Variants in E2F5 observed in about 807,000 individuals in gnomAD.
E2F5 encodes E2F transcription factor 5, also known as transcription factor E2F5.
E2F5 carries 23 observed loss-of-function variants against 39.1 expected under a neutral mutation model. The ratio of observed to expected loss-of-function variants is 0.59; its 90% CI spans 0.42 to 0.83. The LOEUF is 0.83. E2F5 is among the 40% of genes least tolerant of loss of function. E2F5 has a pLI of 0.00. For synonymous variants in E2F5, 145 were observed against 157.8 expected (o/e 0.92, Z 0.61); for missense variants, 365 against 406.7 (o/e 0.90, Z 0.88).
chr8:85,202,978 T>C, intron 2 of E2F5, 116 bp from the exon 3 acceptor site: 1 of 729,794 alleles, frequency 1.4e-6, no homozygotes, highest in Non-Finnish European at 1.9e-6. Flanking sequence ...ATTTTAAGAG[T>C]GTAAAGACTT....
chr8:85,180,261 T>C (rs1812172862), intron 1 of E2F5, among the ~76,000 whole-genome samples: 1 of 151,304 alleles, frequency 6.6e-6, no homozygotes. Context: ...CCTCAAATGA[T>C]CTGCTTGCCT....
chr8:85,187,276 ATTC>A (rs1187827744), intron 1 of E2F5, among the ~76,000 whole-genome samples: 2 of 152,094 alleles, frequency 1.3e-5, no homozygotes, highest in Non-Finnish European at 2.9e-5. Flanking sequence ...AAGCGTGTGT[ATTC>A]TTCTACTGTT....
intron 1 of E2F5, among the ~76,000 whole-genome samples, chr8:85,189,748 A>G (rs1812420381): frequency 6.6e-6 from 1 of 152,224 alleles, no homozygotes; most frequent in Admixed American, 6.5e-5. Context: ...AACCATTCTT[A>G]TTAGTAGGTA....
chr8:85,189,326 C>T (rs1812412392), intron 1 of E2F5, among the ~76,000 whole-genome samples: 1 of 152,066 alleles, frequency 6.6e-6, no homozygotes, highest in South Asian at 2.1e-4. Flanking sequence ...CCATTTCTTG[C>T]AACTTTTTAT....
chr8:85,196,319 A>G (rs185294461), intron 1 of E2F5, among the ~76,000 whole-genome samples: 58 of 152,206 alleles, frequency 3.8e-4, no homozygotes, highest in Admixed American at 2.5e-3. Context: ...TCATTTTTCT[A>G]TCTCTTATAA....
intron 1 of E2F5, among the ~76,000 whole-genome samples, chr8:85,185,743 C>G (rs879051552): frequency 6.6e-6 from 1 of 152,096 alleles, no homozygotes; most frequent in Non-Finnish European, 1.5e-5. Flanking sequence ...ATGCAGCCAA[C>G]AAACATATGA....
chr8:85,187,979 A>T (rs1242006102), intron 1 of E2F5, among the ~76,000 whole-genome samples: 3 of 152,206 alleles, frequency 2.0e-5, no homozygotes, highest in Non-Finnish European at 2.9e-5. Context: ...TTACAAAAAA[A>T]TATCTTACAA....
At chr8:85,182,904 C>A (rs1812250493) in intron 1 of E2F5, among the ~76,000 whole-genome samples, 1 of 152,120 alleles carries the variant, frequency 6.6e-6, no homozygotes, top group Non-Finnish European at 1.5e-5. Context: ...GTCCCTGATG[C>A]ATACCCGTTT....
At chr8:85,180,806 T>C (rs938662381) in intron 1 of E2F5, among the ~76,000 whole-genome samples, 8 of 150,910 alleles carry the variant, frequency 5.3e-5, no homozygotes, top group Non-Finnish European at 8.9e-5. Flanking sequence ...GTCTCGATCT[T>C]CTGACCTCGT....
At chr8:85,191,246 A>ATAG (rs1812456766) in intron 1 of E2F5, among the ~76,000 whole-genome samples, 5 of 152,224 alleles carry the variant, frequency 3.3e-5, no homozygotes, top group Non-Finnish European at 1.5e-5. Context: ...TAAAATAGTC[A>ATAG]AATTCATAGA....
intron 1 of E2F5, among the ~76,000 whole-genome samples, chr8:85,200,765 A>T (rs1054991787): frequency 4.6e-5 from 7 of 152,348 alleles, no homozygotes; most frequent in Admixed American, 2.6e-4. Flanking sequence ...AATTCTGTGA[A>T]GGTCGATAAA....
chr8:85,208,161 T>C (rs1207646336), intron 5 of E2F5, among the ~76,000 whole-genome samples: 3 of 152,108 alleles, frequency 2.0e-5, no homozygotes, highest in South Asian at 2.1e-4. Context: ...AAACCCCATC[T>C]CTACTAAAAA....
intron 6 of E2F5, among the ~76,000 whole-genome samples, chr8:85,209,923 C>A (rs1190482554): frequency 2.0e-5 from 3 of 152,142 alleles, no homozygotes; most frequent in Admixed American, 6.6e-5. Context: ...ATTTGGGAAG[C>A]TTAGTTTTAT....
intron 6 of E2F5, 46 bp downstream of exon 6, chr8:85,209,455 A>G: frequency 6.5e-7 from 1 of 1,532,712 alleles, no homozygotes. Flanking sequence ...GGAGAAATAT[A>G]AAAACAGGTT....
At chr8:85,181,629 G>A (rs1231941730) in intron 1 of E2F5, among the ~76,000 whole-genome samples, 5 of 142,752 alleles carry the variant, frequency 3.5e-5, no homozygotes, top group South Asian at 4.9e-4. Context: ...GTGAGCCACC[G>A]CGCCTGGCCA....
Position 85,184,337 on chromosome 8 carries a change from C to G in E2F5, c.234+6683C>G, listed in dbSNP as rs531895782. On this transcript the variant is annotated intron_variant, in intron 1 of 7. Transcript: ENST00000416274. ...AACAGCCCTTCGTGCTAAAAACTCT[C>G]AATAAACTAGGTATCAGTGGAACAT... Among the ~76,000 whole-genome samples, 3 of 152,302 alleles carry G rather than the reference C, an allele frequency of 2.0e-5. No homozygotes were observed. The South Asian group carries it at 6.2e-4, about 32-fold the overall frequency.
At chr8:85,211,104 C>T (rs1812909417) in intron 6 of E2F5, among the ~76,000 whole-genome samples, 1 of 151,422 alleles carries the variant, frequency 6.6e-6, no homozygotes, top group East Asian at 1.9e-4. Flanking sequence ...AAAACAAGGG[C>T]CAAGTGTGGT....
intron 3 of E2F5, among the ~76,000 whole-genome samples, chr8:85,205,031 C>G (rs1335081683): frequency 6.6e-6 from 1 of 152,140 alleles, no homozygotes; most frequent in Non-Finnish European, 1.5e-5. Context: ...ACTAAAAGTA[C>G]AAAAACTAGC....
At chr8:85,186,301 T>A (rs1156514757) in intron 1 of E2F5, among the ~76,000 whole-genome samples, 2 of 151,542 alleles carry the variant, frequency 1.3e-5, no homozygotes, top group African/African-American at 2.4e-5. Flanking sequence ...TAAGTGGGAG[T>A]TGAACAAGAA....
Sources: gnomAD v4.1 joint callset for allele counts (sites outside exome capture counted in the v4.1 genomes callset) on GRCh38, gnomAD v4.1.1 for gene constraint, MANE v1.5 for transcripts, NCBI Gene and HGNC (gene_info 2026-07-23, HGNC 2026-07-21) for gene names.